BRI3BP: variants seen among roughly 807,000 people sequenced by gnomAD.
The protein encoded by BRI3BP is BRI3 binding protein.
BRI3BP carries 7 observed loss-of-function variants against 15.8 expected under a neutral mutation model. The observed-to-expected ratio is 0.44, with a 90% CI of 0.25 to 0.83. The LOEUF (loss-of-function observed/expected upper bound fraction) is 0.83, where lower values mean the gene tolerates loss of function less well. BRI3BP is among the 40% of genes least tolerant of loss of function. The pLI is 0.20. For missense variants in BRI3BP, 320 were observed against 339.3 expected (o/e 0.94, Z 0.45); for synonymous variants, 192 against 163.5 (o/e 1.17, Z -1.33).
Position 125,025,019 on chromosome 12 carries a change from A to C in BRI3BP, c.345A>C (p.Pro115=), listed in dbSNP as rs775507958. Residue 115 remains proline, a synonymous_variant, in exon 3 of 3, where the codon CCA becomes CCC. Transcript: ENST00000341446. Reference sequence around the variant, plus strand: ...CCAACCTGTCCCAGTATTTCAGCCCAGCCTCGGTGTCCAGCAGCCCGGCCC... The same window carrying C: ...CCAACCTGTCCCAGTATTTCAGCCCCGCCTCGGTGTCCAGCAGCCCGGCCC... ...DVSNLSQYFS[P]ASVSSSPARA... The C allele has an allele frequency of 6.2e-7, 1 of 1,613,042 alleles. No homozygotes were observed. The highest frequency in any genetic ancestry group is 1.1e-5 in the South Asian group (1 of 91,024).
chr12:124,998,144 TA>T (rs1214680132), intron 1 of BRI3BP, among the ~76,000 whole-genome samples: 1 of 141,446 alleles, frequency 7.1e-6, no homozygotes, highest in Non-Finnish European at 1.5e-5. Flanking sequence ...AAAAAAAAAT[TA>T]GCTGGGCGTG....
At chr12:124,999,837 G>A (rs1955070297) in intron 1 of BRI3BP, among the ~76,000 whole-genome samples, 1 of 148,206 alleles carries the variant, frequency 6.7e-6, no homozygotes, top group African/African-American at 2.5e-5. Flanking sequence ...CGCCAGGATG[G>A]TCTCGATTTC....
chr12:125,024,731 G>A (rs1036256826), intron 2 of BRI3BP, among the ~76,000 whole-genome samples: 3 of 151,188 alleles, frequency 2.0e-5, no homozygotes, highest in African/African-American at 4.9e-5. Flanking sequence ...CCCAGGAGGC[G>A]GAGGTTGTGG....
intron 2 of BRI3BP, among the ~76,000 whole-genome samples, chr12:125,016,708 A>G (rs1246405409): frequency 6.6e-6 from 1 of 150,610 alleles, no homozygotes; most frequent in Non-Finnish European, 1.5e-5. Flanking sequence ...CTGTATTTTT[A>G]GTAGAGACAG....
At chr12:125,022,541 A>ATTTATTTTTT in intron 2 of BRI3BP, among the ~76,000 whole-genome samples, 8 of 139,404 alleles carry the variant, frequency 5.7e-5, no homozygotes, top group African/African-American at 2.0e-4. Flanking sequence ...TTATTTATTT[A>ATTTATTTTTT]TTTTTTGAGA....
chr12:125,039,109 A>G, the BRI3BP span, among the ~76,000 whole-genome samples: 1 of 152,144 alleles, frequency 6.6e-6, no homozygotes, highest in Non-Finnish European at 1.5e-5. Flanking sequence ...AAAAACCCCA[A>G]AACCAAATTT....
chr12:125,001,076 A>G (rs1173641885), intron 1 of BRI3BP, among the ~76,000 whole-genome samples: 3 of 150,590 alleles, frequency 2.0e-5, no homozygotes, highest in Admixed American at 1.4e-4. Flanking sequence ...TTTTTTTGAG[A>G]CGGAGTCTTG....
At chr12:125,035,951 G>A (rs1955437614), downstream of BRI3BP, among the ~76,000 whole-genome samples, 1 of 152,034 alleles carries the variant, frequency 6.6e-6, no homozygotes, top group Non-Finnish European at 1.5e-5. Context: ...CAAAGCACCT[G>A]TTCTGAAGCC....
intron 2 of BRI3BP, among the ~76,000 whole-genome samples, chr12:125,021,842 T>C (rs10846809): frequency 0.48 from 73,031 of 152,006 alleles, 19,354 homozygotes; most frequent in African/African-American, 0.7. Context: ...GGTCCCTCCC[T>C]GGACACGTGG....
chr12:125,028,851 T>G lies in BRI3BP; in HGVS notation c.*3421T>G, dbSNP rs1047869053. The G allele has an allele frequency of 3.9e-5, 6 of 152,336 alleles. No individual in the cohort carries two copies. The highest frequency in any genetic ancestry group is 1.4e-4 in the African/African-American group (6 of 41,576). The allele number at this position is 152,336 out of a possible 1,614,324, so 9.4% of individuals were successfully genotyped here. A position where few individuals can be genotyped will look rare whatever the true frequency, so the allele number is the denominator to read the frequency against. On this transcript the variant is annotated 3_prime_UTR_variant, in exon 3 of 3. Coordinates refer to ENST00000341446, the MANE Select transcript of BRI3BP (RefSeq NM_080626.6). Reference sequence around the variant, plus strand: ...CACATGTCTTTGTTTTTTTCTCTCTTTTGTATGTGGAAAAATGTATTTTTG... The same window carrying G: ...CACATGTCTTTGTTTTTTTCTCTCTGTTGTATGTGGAAAAATGTATTTTTG...
chr12:125,005,708 G>C (rs1269823880), intron 1 of BRI3BP, among the ~76,000 whole-genome samples: 1 of 151,914 alleles, frequency 6.6e-6, no homozygotes, highest in Non-Finnish European at 1.5e-5. Context: ...GGGGTGGGGA[G>C]CGGAGGTTGC....
chr12:125,024,663 G>A (rs931997691), intron 2 of BRI3BP, among the ~76,000 whole-genome samples: 1 of 152,096 alleles, frequency 6.6e-6, no homozygotes, highest in Non-Finnish European at 1.5e-5. Flanking sequence ...GCCGGGTGTG[G>A]TGGCGCATGC....
rs1955013445 is a variant in BRI3BP, at chr12:124,993,653, A to G, written c.-138A>G. Reference sequence around the variant, plus strand: ...GCGCGCGGGGCGGGGCAGGTGGCGCAGCAGCGGCGGCGGCGGCTGTGGGTA... The same window carrying G: ...GCGCGCGGGGCGGGGCAGGTGGCGCGGCAGCGGCGGCGGCGGCTGTGGGTA... On this transcript the variant is annotated 5_prime_UTR_variant, in exon 1 of 3. Coordinates refer to ENST00000341446, the MANE Select transcript of BRI3BP (RefSeq NM_080626.6). 2 of 335,596 alleles carry G rather than the reference A, an allele frequency of 6.0e-6. No homozygotes were observed. Among genetic ancestry groups the G allele is most frequent in the South Asian group, 1.1e-4 (1 of 9,240 alleles). The allele number at this position is 335,596 out of a possible 1,614,324, so 20.8% of individuals were successfully genotyped here.
downstream of BRI3BP, among the ~76,000 whole-genome samples, chr12:125,034,809 C>T (rs975373658): frequency 8.5e-5 from 13 of 152,074 alleles, no homozygotes; most frequent in Admixed American, 2.6e-4. Context: ...AGACTAGTCT[C>T]GAACTCCTGA....
chr12:125,040,299 C>T, the BRI3BP span, among the ~76,000 whole-genome samples: 2 of 151,138 alleles, frequency 1.3e-5, no homozygotes, highest in Non-Finnish European at 2.9e-5. Context: ...TTCTCATTAA[C>T]ACTATTTTTT....
At chr12:125,044,066 G>GCAAGTTTACAAGT in the BRI3BP span, among the ~76,000 whole-genome samples, 1 of 151,782 alleles carries the variant, frequency 6.6e-6, no homozygotes, top group Non-Finnish European at 1.5e-5. Flanking sequence ...CTCACAACAG[G>GCAAGTTTACAAGT]CAAGTTTACA....
At chr12:125,012,510 A>T (rs1432527144) in intron 1 of BRI3BP, 24 bp from the exon 2 acceptor site, 6 of 1,544,924 alleles carry the variant, frequency 3.9e-6, no homozygotes, top group Non-Finnish European at 5.4e-6. Context: ...TGATTGGGTG[A>T]TGACCGTTTT....
intron 2 of BRI3BP, among the ~76,000 whole-genome samples, chr12:125,017,487 C>T (rs1281232506): frequency 2.0e-5 from 3 of 152,056 alleles, no homozygotes; most frequent in Non-Finnish European, 4.4e-5. Context: ...TTTAGTTAAC[C>T]CAATATATTA....
the BRI3BP span, among the ~76,000 whole-genome samples, chr12:125,037,541 G>C: frequency 6.6e-6 from 1 of 152,126 alleles, no homozygotes; most frequent in Admixed American, 6.5e-5. Context: ...GCCAGGCACG[G>C]TGGCTCACGC....
Sources: allele counts gnomAD v4.1 joint callset (sites outside exome capture counted in the v4.1 genomes callset), GRCh38; gene constraint gnomAD v4.1.1; transcripts MANE v1.5; gene names NCBI Gene and HGNC (gene_info 2026-07-23, HGNC 2026-07-21).